Variants in DSCAM observed in about 807,000 individuals in gnomAD.
DSCAM encodes DS cell adhesion molecule.
A neutral mutation model predicts 217.7 loss-of-function variants in DSCAM; 47 were observed. That is an observed-to-expected ratio of 0.22 (90% CI 0.17 to 0.28). The LOEUF (loss-of-function observed/expected upper bound fraction) is 0.28. DSCAM is among the 10% of genes least tolerant of loss of function. The pLI, the probability that DSCAM is intolerant of heterozygous loss-of-function variation, is 1.00. For missense variants in DSCAM, 2,080 were observed against 2,618.3 expected, an observed-to-expected ratio of 0.79 and a Z score of 4.49; for synonymous variants, 1,056 against 1,015.3, an observed-to-expected ratio of 1.04 and a Z score of -0.76.
chr21:40,845,529 T>C, intron 1 of DSCAM, among the ~76,000 whole-genome samples: 1 of 136,804 alleles, frequency 7.3e-6, no homozygotes, highest in African/African-American at 2.9e-5. Flanking sequence ...TCTTTTACCT[T>C]CTCTTCTTCT....
At chr21:40,481,820 TAAC>T (rs1404276871) in intron 3 of DSCAM, among the ~76,000 whole-genome samples, 1 of 152,140 alleles carries the variant, frequency 6.6e-6, no homozygotes, top group Non-Finnish European at 1.5e-5. Flanking sequence ...TCTCCATCCA[TAAC>T]AACCCGGAGT....
At chr21:40,042,756 C>A in intron 31 of DSCAM, 83 bp from the exon 32 acceptor site, 1 of 1,354,212 alleles carries the variant, frequency 7.4e-7, no homozygotes, top group Non-Finnish European at 1.0e-6. Context: ...TGGCTTGGGG[C>A]TGTTTTCTTC....
At chr21:40,289,950 G>A (rs776284239) in intron 10 of DSCAM, among the ~76,000 whole-genome samples, 3 of 152,208 alleles carry the variant, frequency 2.0e-5, no homozygotes, top group African/African-American at 4.8e-5. Flanking sequence ...AGCTGGCAGA[G>A]CTGGAGAGAA....
intron 3 of DSCAM, among the ~76,000 whole-genome samples, chr21:40,527,850 A>G (rs73902667): frequency 0.079 from 12,013 of 152,212 alleles, 812 homozygotes; most frequent in African/African-American, 0.18. Flanking sequence ...ATCCTGAGAC[A>G]GAAACCCTGT....
intron 11 of DSCAM, among the ~76,000 whole-genome samples, chr21:40,225,142 C>A (rs1290466676): frequency 1.3e-5 from 2 of 152,214 alleles, no homozygotes; most frequent in Admixed American, 1.3e-4. Flanking sequence ...AGACACTGCC[C>A]ATTCTCAGAC....
intron 14 of DSCAM, among the ~76,000 whole-genome samples, chr21:40,184,303 A>G (rs541958322): frequency 2.0e-5 from 3 of 152,366 alleles, no homozygotes; most frequent in East Asian, 1.9e-4. Flanking sequence ...CAACTCGTAC[A>G]GCAGTGAGTA....
intron 3 of DSCAM, among the ~76,000 whole-genome samples, chr21:40,689,786 A>G (rs2090519711): frequency 6.6e-6 from 1 of 152,226 alleles, no homozygotes; most frequent in African/African-American, 2.4e-5. Flanking sequence ...TACAGTTTAT[A>G]TACAAAGCAG....
At chr21:40,613,619 TAA>T (rs2089345819) in intron 3 of DSCAM, among the ~76,000 whole-genome samples, 1 of 152,126 alleles carries the variant, frequency 6.6e-6, no homozygotes, top group African/African-American at 2.4e-5. Context: ...GATCCGGATG[TAA>T]AAGTTGCCCT....
intron 11 of DSCAM, among the ~76,000 whole-genome samples, chr21:40,225,982 G>A (rs1279224768): frequency 6.6e-6 from 1 of 152,164 alleles, no homozygotes; most frequent in Non-Finnish European, 1.5e-5. Flanking sequence ...TCCCTTATGG[G>A]TTTGATAAAG....
At chr21:40,761,301 T>C (rs1275399952) in intron 1 of DSCAM, among the ~76,000 whole-genome samples, 1 of 152,222 alleles carries the variant, frequency 6.6e-6, no homozygotes, top group African/African-American at 2.4e-5. Flanking sequence ...TTATCTTTTC[T>C]AGCTTCTAGA....
chr21:40,755,745 T>C (rs989865061), intron 1 of DSCAM, among the ~76,000 whole-genome samples: 2 of 152,124 alleles, frequency 1.3e-5, no homozygotes, highest in Non-Finnish European at 2.9e-5. Flanking sequence ...AAGAGCAAAA[T>C]GAGATGCTCA....
rs1349194834 is a variant in DSCAM, at chr21:40,436,333, A to C, written c.509-67088T>G. 2.0e-5 allele frequency among the ~76,000 whole-genome samples: 3 copies of C among 152,176 alleles called. No individual in the cohort carries two copies. The East Asian group carries it at 5.8e-4, about 29-fold the overall frequency. ...CCCCCTGAGATGGTTAGTTTACACA[A>C]ATTACACTTGAACAGTATTTTCGGG... On this transcript the variant is annotated intron_variant, in intron 3 of 32. Coordinates refer to ENST00000400454, the MANE Select transcript of DSCAM (RefSeq NM_001389.5).
intron 11 of DSCAM, among the ~76,000 whole-genome samples, chr21:40,255,910 A>C (rs1476104625): frequency 6.6e-6 from 1 of 152,212 alleles, no homozygotes; most frequent in East Asian, 1.9e-4. Flanking sequence ...CAGTAAGAGG[A>C]GCACAGTGCT....
chr21:40,450,366 G>A (rs1332865095), intron 3 of DSCAM, among the ~76,000 whole-genome samples: 2 of 152,110 alleles, frequency 1.3e-5, no homozygotes, highest in African/African-American at 4.8e-5. Context: ...ACATGTTTTT[G>A]ATGTACCACT....
chr21:40,280,641 G>A (rs2073748166), intron 10 of DSCAM, among the ~76,000 whole-genome samples: 1 of 152,150 alleles, frequency 6.6e-6, no homozygotes, highest in South Asian at 2.1e-4. Context: ...AATTCAAACA[G>A]TAAAAAAGTA....
At chr21:40,013,459 C>T (rs749131383) in intron 32 of DSCAM, 73 bp from the exon 33 acceptor site, 21 of 1,179,978 alleles carry the variant, frequency 1.8e-5, no homozygotes, top group African/African-American at 6.2e-5. Context: ...TGTGTGCACA[C>T]GGGAAGCCAT....
chr21:40,827,725 A>G (rs1056220921), intron 1 of DSCAM, among the ~76,000 whole-genome samples: 4 of 152,124 alleles, frequency 2.6e-5, no homozygotes, highest in African/African-American at 9.7e-5. Flanking sequence ...AGTTGCTGCA[A>G]CATTCAAGGG....
chr21:40,490,289 T>C (rs986045935), intron 3 of DSCAM, among the ~76,000 whole-genome samples: 1 of 152,040 alleles, frequency 6.6e-6, no homozygotes, highest in African/African-American at 2.4e-5. Flanking sequence ...CCAAACCATA[T>C]CAGTAGGTCT....
intron 3 of DSCAM, among the ~76,000 whole-genome samples, chr21:40,509,908 A>C (rs932860490): frequency 6.6e-6 from 1 of 152,148 alleles, no homozygotes; most frequent in Non-Finnish European, 1.5e-5. Flanking sequence ...GCGGATCACG[A>C]GTTCAAGAGA....
Sources: allele counts gnomAD v4.1 joint callset (sites outside exome capture counted in the v4.1 genomes callset), GRCh38; gene constraint gnomAD v4.1.1; transcripts MANE v1.5; gene names NCBI Gene and HGNC (gene_info 2026-07-23, HGNC 2026-07-21).